Variants in AKR1C8 observed in about 807,000 individuals in gnomAD.
The protein encoded by AKR1C8 is aldo-keto reductase family 1 member C-like protein 1.
chr10:5,146,852 G>C, the AKR1C8 span, among the ~76,000 whole-genome samples: 2 of 152,154 alleles, frequency 1.3e-5, no homozygotes, highest in Non-Finnish European at 2.9e-5. Context: ...GGAAAGCTTT[G>C]TCACTAATGG....
the AKR1C8 span, among the ~76,000 whole-genome samples, chr10:5,137,840 C>A: frequency 1.3e-5 from 2 of 151,998 alleles, no homozygotes; most frequent in Non-Finnish European, 2.9e-5. Context: ...AGCCTCAAAA[C>A]CAGCAAATTT....
At chr10:5,176,112 T>A in the AKR1C8 span, among the ~76,000 whole-genome samples, 2 of 151,994 alleles carry the variant, frequency 1.3e-5, no homozygotes, top group African/African-American at 4.8e-5. Context: ...TGGTTTTAAG[T>A]CTAACGTTTA....
the AKR1C8 span, among the ~76,000 whole-genome samples, chr10:5,141,833 A>G: frequency 6.6e-6 from 1 of 152,116 alleles, no homozygotes; most frequent in Non-Finnish European, 1.5e-5. Flanking sequence ...TTTTCTATTT[A>G]TAGAGCATGG....
At chr10:5,133,724 ATTAG>A in the AKR1C8 span, among the ~76,000 whole-genome samples, 2 of 152,184 alleles carry the variant, frequency 1.3e-5, no homozygotes, top group African/African-American at 4.8e-5. Context: ...CAGCACCCTT[ATTAG>A]TTAGGAAATG....
the AKR1C8 span, among the ~76,000 whole-genome samples, chr10:5,124,485 T>C: frequency 6.6e-6 from 1 of 152,102 alleles, no homozygotes; most frequent in Non-Finnish European, 1.5e-5. Flanking sequence ...CTTTTTTTCA[T>C]AATAAAATGT....
chr10:5,181,213 C>G, the AKR1C8 span, among the ~76,000 whole-genome samples: 1 of 152,156 alleles, frequency 6.6e-6, no homozygotes, highest in South Asian at 2.1e-4. Flanking sequence ...AAAATCTCAT[C>G]TCATTGTCAA....
chr10:5,175,531 G>A, the AKR1C8 span, among the ~76,000 whole-genome samples: 3 of 152,152 alleles, frequency 2.0e-5, no homozygotes, highest in African/African-American at 7.2e-5. Flanking sequence ...TCTAGTTCTA[G>A]ATCCCTGAGG....
chr10:5,123,063 A>G, the AKR1C8 span, among the ~76,000 whole-genome samples: 5 of 152,180 alleles, frequency 3.3e-5, no homozygotes, highest in Non-Finnish European at 5.9e-5. Context: ...TTGAAACCCA[A>G]ATCTCTGGTT....
At chr10:5,173,822 CTT>C in the AKR1C8 span, among the ~76,000 whole-genome samples, 1 of 151,666 alleles carries the variant, frequency 6.6e-6, no homozygotes, top group African/African-American at 2.4e-5. Context: ...TTTAAAAGAC[CTT>C]TATAGTTTTC....
the AKR1C8 span, chr10:5,159,959 A>T: frequency 2.7e-6 from 1 of 372,688 alleles, no homozygotes; most frequent in Admixed American, 3.2e-5. Flanking sequence ...GAAATTGGAC[A>T]CCCCAATGGA....
chr10:5,167,528 G>T, the AKR1C8 span, among the ~76,000 whole-genome samples: 2 of 152,032 alleles, frequency 1.3e-5, no homozygotes, highest in Admixed American at 6.6e-5. Flanking sequence ...GCAAACTATC[G>T]CAAGGACAAA....
At chr10:5,175,624 C>A in the AKR1C8 span, among the ~76,000 whole-genome samples, 1 of 152,184 alleles carries the variant, frequency 6.6e-6, no homozygotes, top group East Asian at 1.9e-4. Flanking sequence ...TCTCCACATC[C>A]TCTCCAGCAC....
chr10:5,162,721 TTC>T, the AKR1C8 span: 1 of 366,068 alleles, frequency 2.7e-6, no homozygotes, highest in Non-Finnish European at 5.5e-6. Flanking sequence ...AGAAAGTCTT[TTC>T]TGTTTCTATA....
the AKR1C8 span, among the ~76,000 whole-genome samples, chr10:5,160,488 G>T: frequency 6.6e-6 from 1 of 152,118 alleles, no homozygotes; most frequent in Non-Finnish European, 1.5e-5. Context: ...CCTCCTCCAT[G>T]ATGTGTTTCT....
chr10:5,167,787 GAC>G, the AKR1C8 span, among the ~76,000 whole-genome samples: 1 of 148,540 alleles, frequency 6.7e-6, no homozygotes, highest in African/African-American at 2.5e-5. Context: ...ACAAAAAAAA[GAC>G]AGTAAATGAT....
the AKR1C8 span, among the ~76,000 whole-genome samples, chr10:5,148,654 A>C: frequency 1.3e-5 from 2 of 152,166 alleles, no homozygotes; most frequent in Non-Finnish European, 2.9e-5. Flanking sequence ...GCAGTAGGGA[A>C]AAAATTGTGC....
At chr10:5,118,863 A>G in the AKR1C8 span, among the ~76,000 whole-genome samples, 1 of 152,158 alleles carries the variant, frequency 6.6e-6, no homozygotes, top group Non-Finnish European at 1.5e-5. Context: ...ATTACTGGAC[A>G]GTAAACATGC....
chr10:5,161,936 G>A, the AKR1C8 span: 9 of 534,344 alleles, frequency 1.7e-5, no homozygotes, highest in Non-Finnish European at 3.1e-5. Flanking sequence ...TCTAGGGCCG[G>A]GTGAACCAAT....
the AKR1C8 span, chr10:5,123,970 C>G: frequency 1.1e-6 from 1 of 930,436 alleles, no homozygotes; most frequent in South Asian, 2.2e-5. Flanking sequence ...TTATCTTTTC[C>G]ATCAAAATAA....
Sources: allele counts gnomAD v4.1 joint callset (sites outside exome capture counted in the v4.1 genomes callset), GRCh38; gene constraint gnomAD v4.1.1; transcripts MANE v1.5; gene names NCBI Gene and HGNC (gene_info 2026-07-23, HGNC 2026-07-21).